Variants in RHOU observed in about 807,000 individuals in gnomAD.
RHOU encodes the protein ras homolog family member U.
RHOU carries 8 observed loss-of-function variants against 12.6 expected under a neutral mutation model. The ratio of observed to expected loss-of-function variants is 0.64; its 90% CI spans 0.37 to 1.15. The LOEUF is 1.15. Among genes scored for constraint, RHOU ranks in the 50% most tolerant of loss-of-function variants. The probability of loss-of-function intolerance (pLI) is 0.01; values close to 1 mark genes in which losing one functional copy is unlikely to be tolerated. For missense variants in RHOU, 258 were observed against 347.0 expected, an observed-to-expected ratio of 0.74 and a Z score of 2.04; for synonymous variants, 161 against 147.4, an observed-to-expected ratio of 1.09 and a Z score of -0.67.
At chr1:228,706,033 A>G in the RHOU span, among the ~76,000 whole-genome samples, 8 of 152,202 alleles carry the variant, frequency 5.3e-5, no homozygotes, top group African/African-American at 1.9e-4. Flanking sequence ...CGAGAAAAGC[A>G]AAACTCTATT....
chr1:228,683,644 T>C, the RHOU span, among the ~76,000 whole-genome samples: 2 of 152,182 alleles, frequency 1.3e-5, no homozygotes, highest in African/African-American at 2.4e-5. Flanking sequence ...ATTTAAAAAA[T>C]TTCTATAACA....
chr1:228,716,747 C>CATATATATACATATATAT, the RHOU span, among the ~76,000 whole-genome samples: 14,470 of 151,298 alleles, frequency 0.096, 771 homozygotes, highest in Middle Eastern at 0.22. Flanking sequence ...TATACACACA[C>CATATATATACATATATAT]ATGTGTGTGT....
At position 228,743,203 on chromosome 1, in the gene RHOU, T is replaced by C. The variant is rs1662759174; in HGVS notation, c.322-82T>C. On this transcript the variant is annotated intron_variant, in intron 2 of 2. Transcript: ENST00000366691. The surrounding 1 kb of genome is among the most constrained non-coding windows in gnomAD (Gnocchi z 5.1). Reference sequence around the variant, plus strand: ...GGGTCTTCTATCACCTGCCAGACCCTTTCATGAAAAATGTGAAGGTGATCT... The same window carrying C: ...GGGTCTTCTATCACCTGCCAGACCCCTTCATGAAAAATGTGAAGGTGATCT... The C allele has an allele frequency of 5.4e-6, 7 of 1,299,966 alleles. No homozygotes were observed. The highest frequency in any genetic ancestry group is 2.9e-5 in the African/African-American group (2 of 68,234). The allele number at this position is 1,299,966 out of a possible 1,614,324, so 80.5% of individuals were successfully genotyped here. A position where few individuals can be genotyped will look rare whatever the true frequency, so the allele number is the denominator to read the frequency against.
At chr1:228,732,434 G>A (rs963503219), upstream of RHOU, among the ~76,000 whole-genome samples, 1 of 152,206 alleles carries the variant, frequency 6.6e-6, no homozygotes, top group Non-Finnish European at 1.5e-5. Flanking sequence ...AAATGAGTGG[G>A]TGCGGGACAG....
At chr1:228,650,142 G>A in the RHOU span, 9 of 448,474 alleles carry the variant, frequency 2.0e-5, no homozygotes, top group Non-Finnish European at 3.6e-5. Flanking sequence ...AAGATCAATG[G>A]AAAGCAGAGC....
chr1:228,662,769 A>T, the RHOU span, among the ~76,000 whole-genome samples: 1 of 152,336 alleles, frequency 6.6e-6, no homozygotes. Flanking sequence ...AACATGGCAC[A>T]TGTATACCTA....
the RHOU span, chr1:228,687,869 T>G: frequency 1.0e-6 from 1 of 976,068 alleles, no homozygotes; most frequent in Non-Finnish European, 1.6e-6. Context: ...GTGACTTCCC[T>G]GGTCACCAAG....
chr1:228,720,765 G>A, the RHOU span, among the ~76,000 whole-genome samples: 2 of 152,218 alleles, frequency 1.3e-5, no homozygotes, highest in African/African-American at 2.4e-5. Flanking sequence ...CAGATGAGGG[G>A]ATTTGAGGTC....
chr1:228,707,098 A>T, the RHOU span, among the ~76,000 whole-genome samples: 7 of 107,646 alleles, frequency 6.5e-5, no homozygotes, highest in Non-Finnish European at 1.7e-5. Flanking sequence ...TAGGACATAT[A>T]TACATACATA....
the RHOU span, among the ~76,000 whole-genome samples, chr1:228,688,307 A>AT: frequency 6.6e-6 from 1 of 152,068 alleles, no homozygotes; most frequent in African/African-American, 2.4e-5. Context: ...ATGAACATGA[A>AT]TTTTTTCTCT....
chr1:228,675,033 A>G, the RHOU span, among the ~76,000 whole-genome samples: 6 of 146,258 alleles, frequency 4.1e-5, no homozygotes, highest in East Asian at 5.8e-4. Context: ...CTGGCCTCCT[A>G]TATTATATTC....
chr1:228,647,303 T>A, the RHOU span, among the ~76,000 whole-genome samples: 1 of 152,206 alleles, frequency 6.6e-6, no homozygotes, highest in African/African-American at 2.4e-5. Flanking sequence ...ACTGTGCTCT[T>A]GGTGCGGTGC....
At chr1:228,706,428 TG>T in the RHOU span, among the ~76,000 whole-genome samples, 1 of 152,162 alleles carries the variant, frequency 6.6e-6, no homozygotes, top group Non-Finnish European at 1.5e-5. Flanking sequence ...GTACAGAAAA[TG>T]GGTGAGATGC....
At chr1:228,653,763 G>GT in the RHOU span, among the ~76,000 whole-genome samples, 1 of 152,082 alleles carries the variant, frequency 6.6e-6, no homozygotes, top group South Asian at 2.1e-4. Flanking sequence ...GCCTCAAGAG[G>GT]TTTTTAAATC....
At chr1:228,657,226 G>A in the RHOU span, among the ~76,000 whole-genome samples, 3 of 119,936 alleles carry the variant, frequency 2.5e-5, no homozygotes, top group East Asian at 2.7e-4. Flanking sequence ...GCAGTGAGCC[G>A]AGATCACACC....
At position 228,745,395 on chromosome 1, in the gene RHOU, G is replaced by C. The variant is rs1263990020; in HGVS notation, c.*1655G>C. 6.6e-6 allele frequency: 1 copy of C among 152,132 alleles called. No individual in the cohort carries two copies. Among genetic ancestry groups the C allele is most frequent in the East Asian group, 1.9e-4 (1 of 5,192 alleles). The allele number at this position is 152,132 out of a possible 1,614,324, so 9.4% of individuals were successfully genotyped here. Reference sequence around the variant, plus strand: ...TTAGATAGAAGAATTTTATTTTTCTGTGGGTTTTGTGTTGTCTTTTTTATG... The same window carrying C: ...TTAGATAGAAGAATTTTATTTTTCTCTGGGTTTTGTGTTGTCTTTTTTATG... On this transcript the variant is annotated 3_prime_UTR_variant, in exon 3 of 3. Transcript: ENST00000366691.
chr1:228,708,553 A>G, the RHOU span, among the ~76,000 whole-genome samples: 1 of 151,754 alleles, frequency 6.6e-6, no homozygotes, highest in South Asian at 2.1e-4. Context: ...ATATCCAGCC[A>G]AACTAAACTT....
At chr1:228,676,120 C>T in the RHOU span, among the ~76,000 whole-genome samples, 3 of 150,802 alleles carry the variant, frequency 2.0e-5, no homozygotes, top group Non-Finnish European at 4.4e-5. Flanking sequence ...TGAGCTATGA[C>T]TGCTGTAACC....
chr1:228,683,298 G>A, the RHOU span, among the ~76,000 whole-genome samples: 16 of 152,190 alleles, frequency 1.1e-4, no homozygotes, highest in Admixed American at 2.6e-4. Flanking sequence ...CTGGTCACAG[G>A]ACAGGCATTT....
Sources: gnomAD v4.1 joint callset for allele counts (sites outside exome capture counted in the v4.1 genomes callset) on GRCh38, gnomAD v4.1.1 for gene constraint, Gnocchi (gnomAD v3.1) non-coding constraint, MANE v1.5 for transcripts, NCBI Gene and HGNC (gene_info 2026-07-23, HGNC 2026-07-21) for gene names.